C8orf33: variants seen among roughly 807,000 people sequenced by gnomAD.
C8orf33 encodes the protein UPF0488 protein C8orf33.
A neutral mutation model predicts 25.7 loss-of-function variants in C8orf33; 28 were observed. The observed-to-expected ratio is 1.09, with a 90% confidence interval of 0.81 to 1.49. C8orf33 has a LOEUF of 1.49. Among genes scored for constraint, C8orf33 ranks in the 40% most tolerant of loss-of-function variants. C8orf33 has a pLI of 0.00. For synonymous variants in C8orf33, 153 were observed against 115.9 expected (o/e 1.32, Z -2.06); for missense variants, 369 against 294.4 (o/e 1.25, Z -1.85).
chr8:145,052,841 G>C lies in C8orf33; in HGVS notation c.262G>C (p.Glu88Gln). 1 of 1,613,938 alleles carries C rather than the reference G, an allele frequency of 6.2e-7. No homozygotes were observed. The highest frequency in any genetic ancestry group is 8.5e-7 in the Non-Finnish European group (1 of 1,179,998). ...RNRASVANGG[E>Q]KASEKLAPEE... ...CAGGGCCTCTGTGGCAAATGGAGGC[G>C]AGAAGGCCTCAGAGAAACTCGCCCC... The change falls in exon 2 of 5, where the codon GAG (glutamate) becomes CAG (glutamine). Residue 88 changes from glutamate (E) to glutamine (Q), a missense_variant. Transcript: ENST00000331434.
chr8:145,053,874 A>G lies in C8orf33; in HGVS notation c.551-144A>G. The G allele has an allele frequency of 1.2e-5, 12 of 1,022,744 alleles. 1 individual carries two copies. Among genetic ancestry groups the G allele is most frequent in the Non-Finnish European group, 1.4e-5 (10 of 694,698 alleles). 63.4% of individuals were successfully genotyped at this position (1,022,744 alleles called of 1,614,324 possible). A position where few individuals can be genotyped will look rare whatever the true frequency, so the allele number is the denominator to read the frequency against. On this transcript the variant is annotated intron_variant, in intron 4 of 4. Coordinates refer to ENST00000331434, the MANE Select transcript of C8orf33 (RefSeq NM_023080.3). ...ACTGAACCTCTCTAAGTGGGGGATG[A>G]TAGTAATATCAACCTTACAAATTTG...
Position 145,052,776 on chromosome 8 carries a change from C to A in C8orf33, c.197C>A (p.Thr66Lys). 2 of 1,614,152 alleles carry A rather than the reference C, an allele frequency of 1.2e-6. No individual in the cohort carries two copies. The highest frequency in any genetic ancestry group is 1.7e-6 in the Non-Finnish European group (2 of 1,180,036). ...CACCCGTTGGGCGATGAAGGCGGCA[C>A]AGCGTCGAAAAAACAAAAGAATAAG... is the stretch of plus-strand genomic sequence containing the variant. ...RAHPLGDEGG[T>K]ASKKQKNKKK... The change falls in exon 2 of 5, where the codon ACA (threonine) becomes AAA (lysine). Residue 66 changes from threonine to lysine, a missense_variant. By Grantham distance (78) the Thr-to-Lys change is moderately conservative (BLOSUM62 -1). Transcript: ENST00000331434.
Position 145,052,503 on chromosome 8 carries a change from C to G in C8orf33, c.6+6C>G. 6.3e-7 allele frequency: 1 copy of G among 1,599,378 alleles called. No homozygotes were observed. The highest frequency in any genetic ancestry group is 8.5e-7 in the Non-Finnish European group (1 of 1,179,574). ...GGCGACTGCGGCGCATGGCGGTGAGCGGTGTGGAGAAGACGCGCGGGTGGC... is the reference window on the plus strand; with the variant it reads ...GGCGACTGCGGCGCATGGCGGTGAGGGGTGTGGAGAAGACGCGCGGGTGGC... On this transcript the variant is annotated splice_donor_region_variant and intron_variant, in intron 1 of 4. Coordinates refer to ENST00000331434, the MANE Select transcript of C8orf33 (RefSeq NM_023080.3).
Position 145,052,490 on chromosome 8 carries a change from G to T in C8orf33, c.-2G>T, listed in dbSNP as rs764377921. The T allele has an allele frequency of 3.1e-5, 50 of 1,598,750 alleles. No individual in the cohort carries two copies. The East Asian group carries it at 1.1e-3, about 34-fold the overall frequency. ...GCGTAGTTCCGGTGGCGACTGCGGC[G>T]CATGGCGGTGAGCGGTGTGGAGAAG... On this transcript the variant is annotated 5_prime_UTR_variant, in exon 1 of 5. Transcript: ENST00000331434.
Position 145,055,980 on chromosome 8 carries a change from C to T in C8orf33, c.*1823C>T. On this transcript the variant is annotated 3_prime_UTR_variant, in exon 5 of 5. Coordinates refer to ENST00000331434, the MANE Select transcript of C8orf33 (RefSeq NM_023080.3). Reference sequence around the variant, plus strand: ...CCTGGCATTTGGGGCCACTACTGGTCTCCGCGTCTTGGTGGTAGTGGTCCC... The same window carrying T: ...CCTGGCATTTGGGGCCACTACTGGTTTCCGCGTCTTGGTGGTAGTGGTCCC... The T allele has an allele frequency of 4.4e-6, 1 of 225,602 alleles. No individual in the cohort carries two copies. The highest frequency in any genetic ancestry group is 6.6e-5 in the South Asian group (1 of 15,246). The allele number at this position is 225,602 out of a possible 1,614,324, so 14.0% of individuals were successfully genotyped here.
chr8:145,053,578 G>T lies in C8orf33; in HGVS notation c.550+135G>T, dbSNP rs534487297. 1.3e-4 allele frequency: 109 copies of T among 871,552 alleles called. 1 individual carries two copies. The Middle Eastern group carries it at 1.7e-3, about 14-fold the overall frequency. 54.0% of individuals were successfully genotyped at this position (871,552 alleles called of 1,614,324 possible). ...GGGCTCAGGGAAGCCTGAGGGAGCAGGGAAACAGAAAGCGTGGACCTCTCT... is the reference window on the plus strand; with the variant it reads ...GGGCTCAGGGAAGCCTGAGGGAGCATGGAAACAGAAAGCGTGGACCTCTCT... On this transcript the variant is annotated intron_variant, in intron 4 of 4. Coordinates refer to ENST00000331434, the MANE Select transcript of C8orf33 (RefSeq NM_023080.3).
Position 145,055,985 on chromosome 8 carries a change from C to T in C8orf33, c.*1828C>T, listed in dbSNP as rs575102602. On this transcript the variant is annotated 3_prime_UTR_variant, in exon 5 of 5. Coordinates refer to ENST00000331434, the MANE Select transcript of C8orf33 (RefSeq NM_023080.3). ...CATTTGGGGCCACTACTGGTCTCCG[C>T]GTCTTGGTGGTAGTGGTCCCCCAGG... 20 of 222,958 alleles carry T rather than the reference C, an allele frequency of 9.0e-5. No individual in the cohort carries two copies. The highest frequency in any genetic ancestry group is 8.2e-4 in the South Asian group (12 of 14,606). The allele number at this position is 222,958 out of a possible 1,614,324, so 13.8% of individuals were successfully genotyped here. A position where few individuals can be genotyped will look rare whatever the true frequency, so the allele number is the denominator to read the frequency against.
At position 145,053,314 on chromosome 8, in the gene C8orf33, G is replaced by A; in HGVS notation, c.421G>A (p.Ala141Thr). 3 of 1,614,194 alleles carry A rather than the reference G, an allele frequency of 1.9e-6. No homozygotes were observed. Among genetic ancestry groups the A allele is most frequent in the Non-Finnish European group, 2.5e-6 (3 of 1,180,010 alleles). Residue 141 changes from alanine (A) to threonine (T), a missense_variant, in exon 4 of 5, where the codon GCA becomes ACA. Coordinates refer to ENST00000331434, the MANE Select transcript of C8orf33 (RefSeq NM_023080.3). ...TPKQKEQAIG[A>T]IRTLRSKRTP... Reference sequence around the variant, plus strand: ...ATTCGCAGAAGAGCAGGCTATTGGAGCAATCCGAACCCTGCGCAGCAAAAG... The same window carrying A: ...ATTCGCAGAAGAGCAGGCTATTGGAACAATCCGAACCCTGCGCAGCAAAAG...
chr8:145,052,548 G>C, intron 1 of C8orf33, 38 bp from the exon 2 acceptor site: 1 of 1,600,850 alleles, frequency 6.2e-7, no homozygotes. Context: ...CATTGTTGGC[G>C]GCTCTCGGTG....
At position 145,055,567 on chromosome 8, in the gene C8orf33, C is replaced by T. The variant is rs111963907; in HGVS notation, c.*1410C>T. ...CTGGGAAAAGGAGCCTCCCTTTCCC[C>T]GGGGGAGTTTAGAGAAGACTACTCC... is the stretch of plus-strand genomic sequence containing the variant. On this transcript the variant is annotated 3_prime_UTR_variant, in exon 5 of 5. Coordinates refer to ENST00000331434, the MANE Select transcript of C8orf33 (RefSeq NM_023080.3). The T allele has an allele frequency of 1.3e-3, 215 of 164,436 alleles. No individual in the cohort carries two copies. The highest frequency in any genetic ancestry group is 3.5e-3 in the African/African-American group (146 of 41,234). 10.2% of individuals were successfully genotyped at this position (164,436 alleles called of 1,614,324 possible). A position where few individuals can be genotyped will look rare whatever the true frequency, so the allele number is the denominator to read the frequency against.
Position 145,055,263 on chromosome 8 carries a change from ATTAGT to A in C8orf33, c.*1110_*1114del, listed in dbSNP as rs1364299379. On this transcript the variant is annotated 3_prime_UTR_variant, in exon 5 of 5. Transcript: ENST00000331434. ...TGATTATATGTGAGTATCATTAATC[ATTAGT>A]TTATAGCAATTACTCTTTATTCCAA... is the stretch of plus-strand genomic sequence containing the variant. 1 of 152,198 alleles carries A rather than the reference ATTAGT, an allele frequency of 6.6e-6. No homozygotes were observed. The highest frequency in any genetic ancestry group is 1.5e-5 in the Non-Finnish European group (1 of 68,050). 9.4% of individuals were successfully genotyped at this position (152,198 alleles called of 1,614,324 possible).
In C8orf33 at chr8:145,053,086, G is replaced by A; in HGVS notation, c.343G>A (p.Ala115Thr). The change falls in exon 3 of 5, where the codon GCT (alanine) becomes ACT (threonine). Residue 115 changes from alanine (A) to threonine (T), a missense_variant. Physicochemically the swap from Ala to Thr is moderately conservative, Grantham distance 58. Transcript: ENST00000331434. The part of the protein sequence containing the change: ...AQAQQLAQEL[A>T]WCVEQLELGL... ...GGCACAACAGTTGGCCCAGGAATTG[G>A]CTTGGTGTGTGGAGCAACTGGAGCT... 2 of 1,614,192 alleles carry A rather than the reference G, an allele frequency of 1.2e-6. No individual in the cohort carries two copies. Among genetic ancestry groups the A allele is most frequent in the Non-Finnish European group, 1.7e-6 (2 of 1,180,034 alleles).
At chr8:145,053,472 G>C in intron 4 of C8orf33, 29 bp downstream of exon 4, 1 of 1,611,804 alleles carries the variant, frequency 6.2e-7, no homozygotes. Flanking sequence ...GTTGATTCAG[G>C]AAGGCCTAAC....
Position 145,052,726 on chromosome 8 carries a change from G to A in C8orf33, c.147G>A (p.Thr49=), listed in dbSNP as rs1488885670. The change falls in exon 2 of 5, where the codon ACG becomes ACA. Residue 49 remains threonine (T), a synonymous_variant. Coordinates refer to ENST00000331434, the MANE Select transcript of C8orf33 (RefSeq NM_023080.3). ...TCTGTCTCTGCCCAGAGCAACCTACGTGCAGTAACGCTGACTCCAGAGCGC... is the reference window on the plus strand; with the variant it reads ...TCTGTCTCTGCCCAGAGCAACCTACATGCAGTAACGCTGACTCCAGAGCGC... ...STVCLCPEQP[T]CSNADSRAHP... is the part of the protein sequence containing the mutation. 1 of 1,614,192 alleles carries A rather than the reference G, an allele frequency of 6.2e-7. No homozygotes were observed. The highest frequency in any genetic ancestry group is 8.5e-7 in the Non-Finnish European group (1 of 1,180,032).
chr8:145,053,445 T>G lies in C8orf33; in HGVS notation c.550+2T>G, dbSNP rs1563954696. The G allele has an allele frequency of 4.3e-6, 7 of 1,613,606 alleles. No homozygotes were observed. In the South Asian group the frequency reaches 7.7e-5, roughly 18 times the overall value. ...AGGCCCTGCGGGCTCTCAGAGCTGG[T>G]GAGGAGCTAGCCACTGGTTGATTCA... is the stretch of plus-strand genomic sequence containing the variant. On this transcript the variant is annotated splice_donor_variant, in intron 4 of 4. Transcript: ENST00000331434. LOFTEE classifies it high-confidence loss of function.
rs759498766 is a variant in C8orf33, at chr8:145,052,917, G to T, written c.318+20G>T. Reference sequence around the variant, plus strand: ...GCCCAGGCAAGGGCGGGCTTCGGTCGGGAAGGGTGGAATCCACGGGTGCGA... The same window carrying T: ...GCCCAGGCAAGGGCGGGCTTCGGTCTGGAAGGGTGGAATCCACGGGTGCGA... On this transcript the variant is annotated intron_variant, in intron 2 of 4. Transcript: ENST00000331434. The T allele has an allele frequency of 7.5e-6, 12 of 1,605,980 alleles. No individual in the cohort carries two copies. The East Asian group carries it at 2.7e-4, about 36-fold the overall frequency.
At position 145,054,587 on chromosome 8, in the gene C8orf33, C is replaced by G. The variant is rs549434897; in HGVS notation, c.*430C>G. The stretch of plus-strand genomic sequence containing the variant: ...CTTAATGCTGTTATGTCATATTGCC[C>G]TAATCTCTATTTTTGATAAAATTGG... On this transcript the variant is annotated 3_prime_UTR_variant, in exon 5 of 5. Coordinates refer to ENST00000331434, the MANE Select transcript of C8orf33 (RefSeq NM_023080.3). 3.2e-5 allele frequency: 5 copies of G among 157,538 alleles called. No individual in the cohort carries two copies. Among genetic ancestry groups the G allele is most frequent in the African/African-American group, 1.2e-4 (5 of 41,570 alleles). 9.8% of individuals were successfully genotyped at this position (157,538 alleles called of 1,614,324 possible). A position where few individuals can be genotyped will look rare whatever the true frequency, so the allele number is the denominator to read the frequency against.
chr8:145,053,504 GGTGAAAGGAA>G, intron 4 of C8orf33, 61 bp downstream of exon 4: 2 of 1,570,454 alleles, frequency 1.3e-6, no homozygotes, highest in Non-Finnish European at 1.7e-6. Context: ...GTGTCTAGGG[GGTGAAAGGAA>G]GAAGGCCCAG....
At position 145,055,737 on chromosome 8, in the gene C8orf33, TAGC is replaced by T. The variant is rs1835354419; in HGVS notation, c.*1583_*1585del. 1 of 153,252 alleles carries T rather than the reference TAGC, an allele frequency of 6.5e-6. No homozygotes were observed. The highest frequency in any genetic ancestry group is 2.4e-5 in the African/African-American group (1 of 41,432). The allele number at this position is 153,252 out of a possible 1,614,324, so 9.5% of individuals were successfully genotyped here. Reference sequence around the variant, plus strand: ...TGTATACCTGGCTCTGCCTTTTAGATAGCAGGAGCAAATTAGTGAAAGTACTAA... The same window carrying T: ...TGTATACCTGGCTCTGCCTTTTAGATAGGAGCAAATTAGTGAAAGTACTAA... On this transcript the variant is annotated 3_prime_UTR_variant, in exon 5 of 5. Coordinates refer to ENST00000331434, the MANE Select transcript of C8orf33 (RefSeq NM_023080.3).
Sources: allele counts gnomAD v4.1 joint callset, GRCh38; gene constraint gnomAD v4.1.1; transcripts MANE v1.5; gene names NCBI Gene and HGNC (gene_info 2026-07-23, HGNC 2026-07-21).